The following MCTP2 variants were observed in gnomAD, a reference collection of about 807,000 sequenced individuals.
MCTP2 encodes multiple C2 and transmembrane domain-containing protein 2.
Under a neutral mutation model 111.6 loss-of-function variants are expected in MCTP2, and 132 were observed. The observed-to-expected ratio is 1.18, with a 90% CI of 1.03 to 1.37. The LOEUF (loss-of-function observed/expected upper bound fraction) is 1.37, where lower values mean the gene tolerates loss of function less well. Among genes scored for constraint, MCTP2 ranks in the 40% most tolerant of loss-of-function variants. The probability of loss-of-function intolerance (pLI) is 0.00; values close to 1 mark genes in which losing one functional copy is unlikely to be tolerated. For missense variants in MCTP2, 1,183 were observed against 1,067.9 expected (o/e 1.11, Z -1.50); for synonymous variants, 395 against 387.7 (o/e 1.02, Z -0.22).
At chr15:94,307,414 C>A (rs2075935212) in intron 2 of MCTP2, among the ~76,000 whole-genome samples, 1 of 152,068 alleles carries the variant, frequency 6.6e-6, no homozygotes, top group Non-Finnish European at 1.5e-5. Context: ...AAGAGAACAG[C>A]AAGCATAAAG....
At chr15:94,383,330 A>T in intron 12 of MCTP2, among the ~76,000 whole-genome samples, 1 of 152,206 alleles carries the variant, frequency 6.6e-6, no homozygotes, top group East Asian at 1.9e-4. Flanking sequence ...TTAGGAAGGA[A>T]ACAGAGATGA....
At position 94,461,103 on chromosome 15, in the gene MCTP2, C is replaced by A. The variant is rs564099161; in HGVS notation, c.2360+2857C>A. ...TTCCTACTCTTACCTTCTCTAGTTA[C>A]CTTCCCTAATATTACACAAATTTTA... On this transcript the variant is annotated intron_variant, in intron 20 of 22. Coordinates refer to ENST00000357742, the MANE Select transcript of MCTP2 (RefSeq NM_001385001.1). Among the ~76,000 whole-genome samples the A allele has an allele frequency of 5.3e-5, 8 of 152,244 alleles. No homozygotes were observed. In the South Asian group the frequency reaches 1.7e-3, roughly 32 times the overall value.
At position 94,479,158 on chromosome 15, in the gene MCTP2, A is replaced by T. The variant is rs973125674; in HGVS notation, c.*124A>T. 4.6e-6 allele frequency: 4 copies of T among 872,898 alleles called. No individual in the cohort carries two copies. The highest frequency in any genetic ancestry group is 3.7e-5 in the Admixed American group (2 of 53,696). The allele number at this position is 872,898 out of a possible 1,614,324, so 54.1% of individuals were successfully genotyped here. On this transcript the variant is annotated 3_prime_UTR_variant, in exon 23 of 23. Transcript: ENST00000357742. ...ATGCATGCCCTGTGGCACCCTCTGT[A>T]TACTTCCTCCTCCTTCACGTGCACA...
At chr15:94,314,055 A>C (rs1423165863) in intron 2 of MCTP2, among the ~76,000 whole-genome samples, 1 of 152,216 alleles carries the variant, frequency 6.6e-6, no homozygotes, top group East Asian at 1.9e-4. Context: ...GTGGCCCAGC[A>C]GGGGCGTGCA....
intron 22 of MCTP2, among the ~76,000 whole-genome samples, chr15:94,477,819 A>G (rs890831905): frequency 3.3e-5 from 5 of 152,200 alleles, no homozygotes; most frequent in Middle Eastern, 3.2e-3. Context: ...GTGAAAACAC[A>G]TTCTAGAAAG....
chr15:94,457,196 A>G (rs2084887749), intron 19 of MCTP2, among the ~76,000 whole-genome samples: 1 of 152,206 alleles, frequency 6.6e-6, no homozygotes, highest in African/African-American at 2.4e-5. Flanking sequence ...GTAGAAGTTG[A>G]GAGCTCATTG....
intron 1 of MCTP2, chr15:94,273,545 G>A (rs1055566389): frequency 2.0e-5 from 4 of 198,408 alleles, no homozygotes; most frequent in Admixed American, 9.9e-5. Context: ...AACTGCAAAC[G>A]TCACTTCAAT....
At chr15:94,467,004 A>G (rs2073394778) in intron 20 of MCTP2, among the ~76,000 whole-genome samples, 2 of 152,208 alleles carry the variant, frequency 1.3e-5, no homozygotes, top group Admixed American at 6.5e-5. Flanking sequence ...TGCAATAACA[A>G]TGAGAAAAAT....
intron 20 of MCTP2, among the ~76,000 whole-genome samples, chr15:94,461,546 G>A (rs2085208718): frequency 6.6e-6 from 1 of 152,166 alleles, no homozygotes; most frequent in South Asian, 2.1e-4. Context: ...CATATCATGT[G>A]TTCTATCATT....
At chr15:94,328,578 T>A (rs1279795680) in intron 4 of MCTP2, among the ~76,000 whole-genome samples, 1 of 152,238 alleles carries the variant, frequency 6.6e-6, no homozygotes, top group Non-Finnish European at 1.5e-5. Flanking sequence ...TGTCCGTGAT[T>A]TACTCATGTC....
chr15:94,410,594 G>A (rs1440669488), intron 17 of MCTP2, among the ~76,000 whole-genome samples: 4 of 151,998 alleles, frequency 2.6e-5, no homozygotes, highest in Admixed American at 6.6e-5. Context: ...TAATACTTCC[G>A]GTTAATGTCA....
At chr15:94,444,439 A>C (rs1476868609) in intron 19 of MCTP2, among the ~76,000 whole-genome samples, 3 of 152,226 alleles carry the variant, frequency 2.0e-5, no homozygotes, top group South Asian at 4.1e-4. Flanking sequence ...CCTGCAGGTC[A>C]GGGCTGGGAG....
At chr15:94,272,459 A>AT (rs930673488) in intron 1 of MCTP2, among the ~76,000 whole-genome samples, 5 of 148,824 alleles carry the variant, frequency 3.4e-5, no homozygotes, top group South Asian at 2.1e-4. Flanking sequence ...CTTCAGCCCA[A>AT]TTTTTTTTTT....
chr15:94,298,201 G>T lies in MCTP2; in HGVS notation c.-65G>T. On this transcript the variant is annotated splice_region_variant and 5_prime_UTR_variant, in exon 2 of 23. Transcript: ENST00000357742. ...TTTGTTGTTTTTTTCTGTTTTATAG[G>T]AGTCATTGCAGTTTTCAGTAGAGGT... 1 of 1,178,452 alleles carries T rather than the reference G, an allele frequency of 8.5e-7. No individual in the cohort carries two copies. The highest frequency in any genetic ancestry group is 1.2e-6 in the Non-Finnish European group (1 of 856,734). The allele number at this position is 1,178,452 out of a possible 1,614,324, so 73.0% of individuals were successfully genotyped here. A position where few individuals can be genotyped will look rare whatever the true frequency, so the allele number is the denominator to read the frequency against.
intron 1 of MCTP2, among the ~76,000 whole-genome samples, chr15:94,260,052 T>G (rs918057531): frequency 6.6e-6 from 1 of 152,208 alleles, no homozygotes; most frequent in East Asian, 1.9e-4. Context: ...TGTTCACCAG[T>G]GAGGTCATTT....
intron 17 of MCTP2, among the ~76,000 whole-genome samples, chr15:94,407,250 A>G (rs2081947806): frequency 6.6e-6 from 1 of 152,240 alleles, no homozygotes. Flanking sequence ...TGGCATCATC[A>G]GAAGGTGATT....
intron 1 of MCTP2, among the ~76,000 whole-genome samples, chr15:94,245,228 A>C (rs1187571336): frequency 7.0e-6 from 1 of 143,646 alleles, no homozygotes; most frequent in Non-Finnish European, 1.5e-5. Context: ...GTATATATAC[A>C]TATGTATGTA....
intron 17 of MCTP2, 96 bp from the exon 18 acceptor site, chr15:94,440,080 G>T: frequency 7.3e-7 from 1 of 1,372,286 alleles, no homozygotes. Flanking sequence ...ACTAGAAAGA[G>T]TCCAATTGAA....
chr15:94,322,224 A>G (rs1354937215), intron 4 of MCTP2, among the ~76,000 whole-genome samples: 1 of 152,186 alleles, frequency 6.6e-6, no homozygotes, highest in Non-Finnish European at 1.5e-5. Flanking sequence ...GAGTTATTCA[A>G]ATGTGTTGCA....
Sources: gnomAD v4.1 joint callset for allele counts (sites outside exome capture counted in the v4.1 genomes callset) on GRCh38, gnomAD v4.1.1 for gene constraint, MANE v1.5 for transcripts, NCBI Gene and HGNC (gene_info 2026-07-23, HGNC 2026-07-21) for gene names.